Variants in NAT1 observed in about 807,000 individuals in gnomAD.
NAT1 encodes the protein N-acetyltransferase 1.
For synonymous variants in NAT1, 144 were observed against 122.6 expected (o/e 1.17, Z -1.16); for missense variants, 400 against 339.2 (o/e 1.18, Z -1.41).
chr8:18,190,196 G>A (rs1374357372), intron 2 of NAT1, among the ~76,000 whole-genome samples: 2 of 152,204 alleles, frequency 1.3e-5, no homozygotes, highest in Non-Finnish European at 2.9e-5. Flanking sequence ...AGAACAAAAT[G>A]GAGATGCTAG....
At chr8:18,174,955 C>T (rs1211642693) in intron 2 of NAT1, among the ~76,000 whole-genome samples, 1 of 152,136 alleles carries the variant, frequency 6.6e-6, no homozygotes, top group African/African-American at 2.4e-5. Context: ...AATCTCAGAA[C>T]AAGTATGTAC....
At chr8:18,193,455 T>TA (rs71217305) in intron 2 of NAT1, among the ~76,000 whole-genome samples, 14 of 137,946 alleles carry the variant, frequency 1.0e-4, no homozygotes, top group African/African-American at 2.7e-4. Context: ...AGACTCTGTC[T>TA]AAAAAAAAAA....
chr8:18,201,957 T>C (rs979258723), intron 2 of NAT1, among the ~76,000 whole-genome samples: 2 of 152,194 alleles, frequency 1.3e-5, no homozygotes, highest in Non-Finnish European at 2.9e-5. Context: ...AGACCACATA[T>C]CAAGCTCAAT....
At chr8:18,208,052 G>A (rs1255052262), upstream of NAT1, among the ~76,000 whole-genome samples, 1 of 151,352 alleles carries the variant, frequency 6.6e-6, no homozygotes, top group Non-Finnish European at 1.5e-5. Context: ...ACTCATAAGT[G>A]TGAGCTGAAC....
In NAT1 at chr8:18,222,959, C is replaced by T; in HGVS notation, c.*39C>T. ...ACAATCTTGTCTATTTGTCATCCAG[C>T]TCACCAGTTATCAACTGACGACCTA... On this transcript the variant is annotated 3_prime_UTR_variant, in exon 3 of 3. Coordinates refer to ENST00000307719, the MANE Select transcript of NAT1 (RefSeq NM_000662.8). 1 of 1,498,380 alleles carries T rather than the reference C, an allele frequency of 6.7e-7. No homozygotes were observed. 92.8% of individuals were successfully genotyped at this position (1,498,380 alleles called of 1,614,324 possible).
At chr8:18,217,833 T>G (rs1273828884) in intron 1 of NAT1, among the ~76,000 whole-genome samples, 3 of 151,742 alleles carry the variant, frequency 2.0e-5, no homozygotes, top group Non-Finnish European at 4.4e-5. Flanking sequence ...ATAGGGCTGT[T>G]GCAGGGGCTG....
chr8:18,202,034 A>G (rs1233178828), intron 2 of NAT1, among the ~76,000 whole-genome samples: 1 of 152,228 alleles, frequency 6.6e-6, no homozygotes, highest in East Asian at 1.9e-4. Context: ...AATAAAATTT[A>G]TGTCTATAAA....
chr8:18,208,999 T>C (rs559814321), upstream of NAT1, among the ~76,000 whole-genome samples: 2 of 152,308 alleles, frequency 1.3e-5, no homozygotes, highest in African/African-American at 2.4e-5. Context: ...CCAGGGCAGT[T>C]TGACAATCAA....
chr8:18,221,993 C>T, intron 2 of NAT1, 49 bp from the exon 3 acceptor site: 1 of 1,544,068 alleles, frequency 6.5e-7, no homozygotes, highest in Non-Finnish European at 8.7e-7. Context: ...TACTCAAATC[C>T]AAGTGTAAAA....
At chr8:18,180,221 C>T (rs995772125) in intron 2 of NAT1, among the ~76,000 whole-genome samples, 1 of 152,068 alleles carries the variant, frequency 6.6e-6, no homozygotes, top group African/African-American at 2.4e-5. Context: ...TTGATTCTGA[C>T]ATCAGGGTGG....
intron 2 of NAT1, among the ~76,000 whole-genome samples, chr8:18,187,936 A>AAC (rs35203470): frequency 0.063 from 8,642 of 137,388 alleles, 333 homozygotes; most frequent in African/African-American, 0.099. Context: ...TTGTATCTTA[A>AAC]ACACACACAC....
intron 1 of NAT1, among the ~76,000 whole-genome samples, chr8:18,218,678 T>A (rs995568705): frequency 1.3e-5 from 2 of 152,172 alleles, no homozygotes; most frequent in Non-Finnish European, 2.9e-5. Flanking sequence ...AGTTAACTTG[T>A]GGGCAAAATA....
At position 18,217,829 on chromosome 8, in the gene NAT1, C is replaced by A. The variant is rs148319313; in HGVS notation, c.-85-1582C>A. ...TTGTTTCTTTACAGGGAACATAGGG[C>A]TGTTGCAGGGGCTGGTGCAGGGAAT... On this transcript the variant is annotated intron_variant, in intron 1 of 2. Transcript: ENST00000307719. 4.1e-3 allele frequency among the ~76,000 whole-genome samples: 630 copies of A among 152,198 alleles called. 4 individuals carry two copies. The highest frequency in any genetic ancestry group is 0.014 in the African/African-American group (601 of 41,514).
upstream of NAT1, among the ~76,000 whole-genome samples, chr8:18,209,160 G>A (rs1022897643): frequency 7.9e-5 from 12 of 152,164 alleles, no homozygotes; most frequent in Admixed American, 6.6e-4. Context: ...CCAACATCCT[G>A]GGCTGAATAG....
At chr8:18,185,925 C>G (rs1041491710) in intron 2 of NAT1, among the ~76,000 whole-genome samples, 1 of 152,000 alleles carries the variant, frequency 6.6e-6, no homozygotes, top group Non-Finnish European at 1.5e-5. Context: ...TTATAAGTGT[C>G]CTCCTAAATT....
At chr8:18,196,845 T>C (rs139198943) in intron 2 of NAT1, among the ~76,000 whole-genome samples, 1 of 152,320 alleles carries the variant, frequency 6.6e-6, no homozygotes, top group East Asian at 1.9e-4. Flanking sequence ...AACTAGTATC[T>C]GTATGTGATG....
At chr8:18,180,432 A>T (rs893167417) in intron 2 of NAT1, among the ~76,000 whole-genome samples, 1 of 152,112 alleles carries the variant, frequency 6.6e-6, no homozygotes. Context: ...AGAAACAAAG[A>T]TCTATTGAGC....
At chr8:18,188,827 T>C (rs1263198432) in intron 2 of NAT1, among the ~76,000 whole-genome samples, 1 of 151,206 alleles carries the variant, frequency 6.6e-6, no homozygotes, top group African/African-American at 2.4e-5. Context: ...AAACCCCGTC[T>C]CTACTAAAAC....
upstream of NAT1, chr8:18,210,048 G>A (rs1656040705): frequency 6.6e-6 from 1 of 152,150 alleles, no homozygotes; most frequent in Admixed American, 6.5e-5. Flanking sequence ...GTGACTCTGG[G>A]GGCGGGGCCA....
Sources: gnomAD v4.1 joint callset for allele counts (sites outside exome capture counted in the v4.1 genomes callset) on GRCh38, gnomAD v4.1.1 for gene constraint, MANE v1.5 for transcripts, NCBI Gene and HGNC (gene_info 2026-07-23, HGNC 2026-07-21) for gene names.